ASIC2: variants seen among roughly 807,000 people sequenced by gnomAD.
The protein encoded by ASIC2 is acid sensing ion channel subunit 2.
In ASIC2, 25 loss-of-function variants were observed where a neutral mutation model predicts 57.3. The observed-to-expected ratio is 0.44, with a 90% CI of 0.32 to 0.61. The LOEUF (loss-of-function observed/expected upper bound fraction) is 0.61. Among genes scored for constraint, ASIC2 ranks in the 20% least tolerant of loss-of-function variants. The pLI, the probability that ASIC2 is intolerant of heterozygous loss-of-function variation, is 0.06. For synonymous variants in ASIC2, 319 were observed against 307.5 expected (o/e 1.04, Z -0.39); for missense variants, 641 against 738.1 (o/e 0.87, Z 1.52).
intron 1 of ASIC2, among the ~76,000 whole-genome samples, chr17:33,264,292 C>T (rs1909383642): frequency 6.6e-6 from 1 of 152,188 alleles, no homozygotes; most frequent in Non-Finnish European, 1.5e-5. Flanking sequence ...TGCTATGGCC[C>T]CACTCAGAGC....
intron 1 of ASIC2, among the ~76,000 whole-genome samples, chr17:33,734,454 T>C (rs1168665971): frequency 6.6e-6 from 1 of 152,162 alleles, no homozygotes; most frequent in African/African-American, 2.4e-5. Flanking sequence ...CTGCCCCTCA[T>C]GTCCTTCCCA....
intron 1 of ASIC2, among the ~76,000 whole-genome samples, chr17:33,761,617 G>T: frequency 6.6e-6 from 1 of 152,186 alleles, no homozygotes; most frequent in South Asian, 2.1e-4. Context: ...TGGCTCATGT[G>T]GTCCAGGCTG....
rs144237216 is a variant in ASIC2, at chr17:33,421,771, T to A, written c.556-309704A>T. On this transcript the variant is annotated intron_variant, in intron 1 of 9. Transcript: ENST00000359872. ...TTAAAAAATGTGACAGCCCATGCTG[T>A]TCTTCAGTGGAAAGCCATTGCCTTC... Among the ~76,000 whole-genome samples, 7 of 152,250 alleles carry A rather than the reference T, an allele frequency of 4.6e-5. No homozygotes were observed. The East Asian group carries it at 9.7e-4, about 21-fold the overall frequency.
At chr17:33,248,005 G>A (rs920438426) in intron 1 of ASIC2, among the ~76,000 whole-genome samples, 1 of 152,188 alleles carries the variant, frequency 6.6e-6, no homozygotes, top group African/African-American at 2.4e-5. Context: ...CATGTTCGAA[G>A]GTGATAGAAG....
At chr17:33,038,956 C>T (rs550078284) in intron 3 of ASIC2, among the ~76,000 whole-genome samples, 2 of 152,308 alleles carry the variant, frequency 1.3e-5, no homozygotes, top group East Asian at 3.9e-4. Context: ...GCTCCCTGGG[C>T]CCTTCCCTCC....
intron 1 of ASIC2, among the ~76,000 whole-genome samples, chr17:33,755,169 G>A (rs1042756842): frequency 6.6e-6 from 1 of 152,070 alleles, no homozygotes; most frequent in African/African-American, 2.4e-5. Context: ...GAAAAGGAGA[G>A]GACAATGTGA....
Position 33,153,793 on chromosome 17 carries a change from A to G in ASIC2, c.709-41726T>C, listed in dbSNP as rs570617051. Among the ~76,000 whole-genome samples, 6 of 152,236 alleles carry G rather than the reference A, an allele frequency of 3.9e-5. 1 individual carries two copies. The South Asian group carries it at 1.2e-3, about 32-fold the overall frequency. On this transcript the variant is annotated intron_variant, in intron 1 of 9. Transcript: ENST00000225823. ...TAGGCTAGAGAGAGGAGCTCCACCT[A>G]AGATCTTGTTCCTTCCAGAGACAGC...
chr17:33,323,323 G>A (rs1245666797), intron 1 of ASIC2, among the ~76,000 whole-genome samples: 1 of 152,196 alleles, frequency 6.6e-6, no homozygotes, highest in East Asian at 1.9e-4. Context: ...TTGCGGTATA[G>A]TCATACAGTA....
At chr17:33,442,043 C>A (rs1026676262) in intron 1 of ASIC2, among the ~76,000 whole-genome samples, 4 of 152,162 alleles carry the variant, frequency 2.6e-5, no homozygotes, top group Non-Finnish European at 5.9e-5. Context: ...ACTTCCCCCC[C>A]AAATTGATTT....
At position 34,043,346 on chromosome 17, in the gene ASIC2, G is replaced by A. The variant is rs115703962; in HGVS notation, c.555+112632C>T. Among the ~76,000 whole-genome samples, 1,120 of 152,276 alleles carry A rather than the reference G, an allele frequency of 7.4e-3. 7 individuals are homozygous for A. Among genetic ancestry groups the A allele is most frequent in the Middle Eastern group, 0.017 (5 of 294 alleles). ...GTTATTACATGGTATGTGATAAAAGGCAGCATTGATTGTGGCTAAACAAAT... is the reference window on the plus strand; with the variant it reads ...GTTATTACATGGTATGTGATAAAAGACAGCATTGATTGTGGCTAAACAAAT... On this transcript the variant is annotated intron_variant, in intron 1 of 9. Transcript: ENST00000359872.
intron 3 of ASIC2, among the ~76,000 whole-genome samples, chr17:33,063,091 C>G (rs1444609352): frequency 6.6e-6 from 1 of 152,194 alleles, no homozygotes; most frequent in Non-Finnish European, 1.5e-5. Context: ...ATACAGCACA[C>G]TGATGGGTCT....
chr17:33,787,313 G>T (rs570585881), intron 1 of ASIC2, among the ~76,000 whole-genome samples: 160 of 152,360 alleles, frequency 1.1e-3, no homozygotes, highest in African/African-American at 3.7e-3. Flanking sequence ...ATCTGTGGCT[G>T]TAGAGGCTCC....
At chr17:34,139,897 G>T (rs528030557) in intron 1 of ASIC2, among the ~76,000 whole-genome samples, 2 of 152,308 alleles carry the variant, frequency 1.3e-5, no homozygotes, top group African/African-American at 2.4e-5. Context: ...TGGGTGAATT[G>T]TATGGAATGA....
intron 1 of ASIC2, among the ~76,000 whole-genome samples, chr17:33,196,260 T>C (rs553551490): frequency 1.1e-4 from 16 of 152,338 alleles, no homozygotes; most frequent in Non-Finnish European, 1.9e-4. Context: ...ATACAAATCC[T>C]GATTTTAAAA....
At chr17:33,971,472 C>A (rs1215921433) in intron 1 of ASIC2, among the ~76,000 whole-genome samples, 3 of 152,118 alleles carry the variant, frequency 2.0e-5, no homozygotes, top group African/African-American at 4.8e-5. Flanking sequence ...CACACCAGCT[C>A]CTGAAAGTGA....
chr17:33,819,360 T>C (rs138922093), intron 1 of ASIC2, among the ~76,000 whole-genome samples: 4 of 152,330 alleles, frequency 2.6e-5, no homozygotes, highest in East Asian at 1.9e-4. Context: ...TCAGTTCCAA[T>C]TGAAGCTGTA....
intron 1 of ASIC2, among the ~76,000 whole-genome samples, chr17:34,128,433 G>A (rs531437186): frequency 1.3e-5 from 2 of 152,310 alleles, no homozygotes; most frequent in African/African-American, 4.8e-5. Flanking sequence ...TGGGCCACCC[G>A]CTGCAGTGTG....
intron 1 of ASIC2, among the ~76,000 whole-genome samples, chr17:33,597,742 A>C (rs2142008265): frequency 6.6e-6 from 1 of 152,324 alleles, no homozygotes; most frequent in South Asian, 2.1e-4. Flanking sequence ...GAGAACACGA[A>C]GCTCCAGACA....
chr17:33,926,705 C>T (rs556925336), intron 1 of ASIC2, among the ~76,000 whole-genome samples: 98 of 152,270 alleles, frequency 6.4e-4, no homozygotes, highest in African/African-American at 2.1e-3. Context: ...ACCATTAATA[C>T]GGTGGGAAAA....
Sources: allele counts gnomAD v4.1 joint callset (sites outside exome capture counted in the v4.1 genomes callset), GRCh38; gene constraint gnomAD v4.1.1; transcripts MANE v1.5; gene names NCBI Gene and HGNC (gene_info 2026-07-23, HGNC 2026-07-21).